The following CABIN1 variants were observed in gnomAD, a reference collection of about 807,000 sequenced individuals.
CABIN1 encodes calcineurin binding protein 1.
Under a neutral mutation model 227.7 loss-of-function variants are expected in CABIN1, and 133 were observed. The ratio of observed to expected loss-of-function variants is 0.58; its 90% CI spans 0.51 to 0.67. The LOEUF is 0.67. Ranked by LOEUF, CABIN1 falls within the 30% of genes least tolerant of loss-of-function variation. The pLI, the probability that CABIN1 is intolerant of heterozygous loss-of-function variation, is 0.00. For synonymous variants in CABIN1, 1,086 were observed against 1,155.1 expected (o/e 0.94, Z 1.21); for missense variants, 2,408 against 2,852.5 (o/e 0.84, Z 3.55).
At chr22:24,137,265 G>A (rs1460409933) in intron 29 of CABIN1, among the ~76,000 whole-genome samples, 3 of 152,224 alleles carry the variant, frequency 2.0e-5, no homozygotes, top group African/African-American at 7.2e-5. Context: ...CCTTTCTAAT[G>A]ATAAAGCTGG....
At chr22:24,081,649 A>C (rs1484439460) in intron 19 of CABIN1, among the ~76,000 whole-genome samples, 1 of 151,598 alleles carries the variant, frequency 6.6e-6, no homozygotes, top group African/African-American at 2.4e-5. Context: ...CTTTGAATTT[A>C]CTCTGTATTG....
chr22:24,015,451 TCTG>T (rs1330032500), intron 1 of CABIN1, among the ~76,000 whole-genome samples: 2 of 151,088 alleles, frequency 1.3e-5, no homozygotes, highest in African/African-American at 2.4e-5. Context: ...TTCACGCCGT[TCTG>T]CTGCCTGAGC....
At chr22:24,059,075 A>T (rs1463307305) in intron 10 of CABIN1, 152 bp from the exon 11 acceptor site, 1 of 864,880 alleles carries the variant, frequency 1.2e-6, no homozygotes, top group African/African-American at 1.7e-5. Flanking sequence ...AGAGAGGCAG[A>T]GCCTCCTGGA....
chr22:24,175,739 G>A (rs1001173435), intron 34 of CABIN1: 8 of 358,266 alleles, frequency 2.2e-5, no homozygotes, highest in East Asian at 1.3e-4. Context: ...GTTTCTGAAT[G>A]CTGCTTATGT....
At chr22:24,140,987 C>T (rs994420660) in intron 29 of CABIN1, among the ~76,000 whole-genome samples, 8 of 152,184 alleles carry the variant, frequency 5.3e-5, no homozygotes, top group African/African-American at 1.4e-4. Context: ...TTGGGCTACC[C>T]GTAAGCAGAG....
In CABIN1 at chr22:24,076,450, C is replaced by T. The variant is rs188024099; in HGVS notation, c.2748+166C>T. ...TTACTGCATTTCTCACTGTAGTTAC[C>T]GAAGCTTGTCAGAAAGTCTGATAAG... On this transcript the variant is annotated intron_variant, in intron 19 of 36. Coordinates refer to ENST00000263119, the MANE Select transcript of CABIN1 (RefSeq NM_012295.4). Among the ~76,000 whole-genome samples, 12 of 152,184 alleles carry T rather than the reference C, an allele frequency of 7.9e-5. No homozygotes were observed. In the East Asian group the frequency reaches 1.5e-3, roughly 20 times the overall value.
At chr22:24,047,004 G>T (rs2037938727) in intron 6 of CABIN1, among the ~76,000 whole-genome samples, 1 of 152,120 alleles carries the variant, frequency 6.6e-6, no homozygotes, top group Admixed American at 6.5e-5. Flanking sequence ...CTGATTGGAT[G>T]AGGCCCCCCC....
At chr22:24,018,298 T>G (rs1297990306) in intron 1 of CABIN1, among the ~76,000 whole-genome samples, 1 of 152,200 alleles carries the variant, frequency 6.6e-6, no homozygotes, top group East Asian at 1.9e-4. Context: ...TGCAAAAATT[T>G]TTAAATTTTT....
chr22:24,030,764 A>G (rs189085666), intron 1 of CABIN1, among the ~76,000 whole-genome samples: 70 of 152,242 alleles, frequency 4.6e-4, no homozygotes, highest in African/African-American at 1.2e-3. Flanking sequence ...CTCAGACAGC[A>G]TATGGGGCCA....
At chr22:24,126,663 G>T (rs139278065) in intron 28 of CABIN1, among the ~76,000 whole-genome samples, 1 of 152,296 alleles carries the variant, frequency 6.6e-6, no homozygotes, top group East Asian at 1.9e-4. Context: ...GCAAGTTTTG[G>T]CAGGGGAGGA....
intron 22 of CABIN1, among the ~76,000 whole-genome samples, chr22:24,085,482 GC>G (rs1206159228): frequency 6.6e-6 from 1 of 152,202 alleles, no homozygotes; most frequent in Non-Finnish European, 1.5e-5. Context: ...GTTTTGTGCT[GC>G]CCCCTTTCAC....
chr22:24,120,339 T>C (rs1358492582), intron 28 of CABIN1, among the ~76,000 whole-genome samples: 1 of 152,218 alleles, frequency 6.6e-6, no homozygotes, highest in East Asian at 1.9e-4. Context: ...GCTTAAGTGC[T>C]TCCAGGGGCT....
At chr22:24,122,440 G>C (rs1047355411) in intron 28 of CABIN1, among the ~76,000 whole-genome samples, 1 of 152,078 alleles carries the variant, frequency 6.6e-6, no homozygotes, top group African/African-American at 2.4e-5. Context: ...GGGCACGGTG[G>C]TTCACGCCTG....
At position 24,087,447 on chromosome 22, in the gene CABIN1, C is replaced by G. The variant is rs1218496534; in HGVS notation, c.3264-5C>G. The G allele has an allele frequency of 6.2e-7, 1 of 1,613,680 alleles. No homozygotes were observed. Among genetic ancestry groups the G allele is most frequent in the Admixed American group, 1.7e-5 (1 of 60,032 alleles). ...TTTTAGCTGGTGCTTTTGTTACCACCACAGGTTTGATTCCTGGGCAGGCAT... is the reference window on the plus strand; with the variant it reads ...TTTTAGCTGGTGCTTTTGTTACCACGACAGGTTTGATTCCTGGGCAGGCAT... On this transcript the variant is annotated splice_region_variant and splice_polypyrimidine_tract_variant and intron_variant, in intron 22 of 36. Transcript: ENST00000263119.
chr22:24,165,476 C>T (rs2046391265), intron 30 of CABIN1, 54 bp from the exon 31 acceptor site: 1 of 1,459,918 alleles, frequency 6.8e-7, no homozygotes, highest in Non-Finnish European at 9.5e-7. Context: ...CCAGCAGTGC[C>T]ATGTGGTGTC....
intron 1 of CABIN1, among the ~76,000 whole-genome samples, chr22:24,025,830 C>T (rs866103702): frequency 2.0e-5 from 3 of 152,060 alleles, no homozygotes; most frequent in Admixed American, 6.6e-5. Context: ...TGTGCCACCA[C>T]GCCCAGCTAA....
At chr22:24,100,288 G>T (rs1374453936) in intron 26 of CABIN1, among the ~76,000 whole-genome samples, 1 of 152,192 alleles carries the variant, frequency 6.6e-6, no homozygotes. Flanking sequence ...TCAGAACTCA[G>T]CTGCCTCACC....
In CABIN1 at chr22:24,074,147, A is replaced by G. The variant is rs536082800; in HGVS notation, c.2632+1637A>G. 6.6e-5 allele frequency among the ~76,000 whole-genome samples: 10 copies of G among 152,312 alleles called. No individual in the cohort carries two copies. The South Asian group carries it at 2.1e-3, about 32-fold the overall frequency. On this transcript the variant is annotated intron_variant, in intron 18 of 36. Transcript: ENST00000263119. Reference sequence around the variant, plus strand: ...AAAACCTAAAGTTTATAACTATAAAAGTTTGTTATTTTTCTTAGAAAAATA... The same window carrying G: ...AAAACCTAAAGTTTATAACTATAAAGGTTTGTTATTTTTCTTAGAAAAATA...
rs142280541 is a variant in CABIN1 at position 24,163,553 on chromosome 22, G to A, written c.4747-847G>A. Among the ~76,000 whole-genome samples, 932 of 152,256 alleles carry A rather than the reference G, an allele frequency of 6.1e-3. 9 individuals are homozygous for A. The highest frequency in any genetic ancestry group is 0.022 in the African/African-American group (894 of 41,556). ...CATTCTGGGCAGCAGTTTCTTCAGC[G>A]TGTTGGCTGCAGGGACCCATCTAGG... On this transcript the variant is annotated intron_variant, in intron 29 of 36. Transcript: ENST00000263119.
Sources: gnomAD v4.1 joint callset for allele counts (sites outside exome capture counted in the v4.1 genomes callset) on GRCh38, gnomAD v4.1.1 for gene constraint, MANE v1.5 for transcripts, NCBI Gene and HGNC (gene_info 2026-07-23, HGNC 2026-07-21) for gene names.